RASEF: variants seen among roughly 807,000 people sequenced by gnomAD.
RASEF encodes RAS and EF-hand domain containing, also known as ras and EF-hand domain-containing protein.
A neutral mutation model predicts 90.1 loss-of-function variants in RASEF; 68 were observed. That is an observed-to-expected ratio of 0.75 (90% CI 0.62 to 0.92). The LOEUF (loss-of-function observed/expected upper bound fraction) is 0.92. Among genes scored for constraint, RASEF ranks in the 40% least tolerant of loss-of-function variants. The probability of loss-of-function intolerance (pLI) is 0.00; values close to 1 mark genes in which losing one functional copy is unlikely to be tolerated. For synonymous variants in RASEF, 331 were observed against 345.2 expected, an observed-to-expected ratio of 0.96 and a Z score of 0.46; for missense variants, 949 against 937.2, an observed-to-expected ratio of 1.01 and a Z score of -0.16.
At chr9:83,090,408 CT>C in the RASEF span, among the ~76,000 whole-genome samples, 4,586 of 144,690 alleles carry the variant, frequency 0.032, 64 homozygotes, top group South Asian at 0.057. Flanking sequence ...ATGAGCCATA[CT>C]TTTTTTTTTT....
At chr9:83,116,799 G>GA in the RASEF span, among the ~76,000 whole-genome samples, 6 of 152,096 alleles carry the variant, frequency 3.9e-5, no homozygotes, top group Non-Finnish European at 7.4e-5. Context: ...GGATTTGGGG[G>GA]AAAAATCATT....
At chr9:83,197,760 A>T in the RASEF span, among the ~76,000 whole-genome samples, 1 of 152,158 alleles carries the variant, frequency 6.6e-6, no homozygotes, top group East Asian at 1.9e-4. Flanking sequence ...GGCACATGCA[A>T]CTGTTCCCTT....
At chr9:83,165,183 C>T in the RASEF span, among the ~76,000 whole-genome samples, 13 of 152,092 alleles carry the variant, frequency 8.5e-5, no homozygotes, top group East Asian at 1.9e-4. Flanking sequence ...AACTACTTCA[C>T]TTAACAACAG....
Position 83,062,550 on chromosome 9 carries a change from T to C in RASEF, c.318A>G (p.Glu106=), listed in dbSNP as rs750291977. 2 of 1,602,618 alleles carry C rather than the reference T, an allele frequency of 1.2e-6. No individual in the cohort carries two copies. Among genetic ancestry groups the C allele is most frequent in the African/African-American group, 2.7e-5 (2 of 74,670 alleles). ...GCGCCGCCGCCGCGTCCTCGTCGCC[T>C]TCGTCCTCCTCGCTGTCGTGTGTCT... ...GPETHDSEED[E]GDEDAAAALA... The change falls in exon 1 of 17, where the codon GAA becomes GAG. Residue 106 remains glutamate, a synonymous_variant. Coordinates refer to ENST00000376447, the MANE Select transcript of RASEF (RefSeq NM_152573.4).
chr9:83,102,359 T>A, the RASEF span, among the ~76,000 whole-genome samples: 1 of 152,156 alleles, frequency 6.6e-6, no homozygotes, highest in Non-Finnish European at 1.5e-5. Context: ...CTTTACTGTA[T>A]AAGAGCAGAA....
intron 1 of RASEF, among the ~76,000 whole-genome samples, chr9:83,057,751 G>A (rs1019762221): frequency 6.6e-6 from 1 of 151,232 alleles, no homozygotes; most frequent in Non-Finnish European, 1.5e-5. Flanking sequence ...TCTCTTCTTG[G>A]ATGAGAACCA....
chr9:83,068,235 AG>A, the RASEF span, among the ~76,000 whole-genome samples: 1 of 152,258 alleles, frequency 6.6e-6, no homozygotes, highest in African/African-American at 2.4e-5. Context: ...AATGGACCTC[AG>A]TTCACTTTTG....
At chr9:83,159,512 T>G in the RASEF span, among the ~76,000 whole-genome samples, 1 of 152,182 alleles carries the variant, frequency 6.6e-6, no homozygotes, top group Admixed American at 6.5e-5. Flanking sequence ...CTTAAAAAAT[T>G]AAATGATCAG....
At chr9:83,047,452 CTTAT>C (rs1564088266) in intron 1 of RASEF, among the ~76,000 whole-genome samples, 2 of 152,106 alleles carry the variant, frequency 1.3e-5, no homozygotes, top group African/African-American at 4.8e-5. Context: ...ACTAAATTCC[CTTAT>C]TTTTTATTAC....
the RASEF span, among the ~76,000 whole-genome samples, chr9:83,068,721 G>C: frequency 6.6e-6 from 1 of 152,194 alleles, no homozygotes; most frequent in Non-Finnish European, 1.5e-5. Flanking sequence ...GATGATAAAT[G>C]AGTGGTGTTT....
At chr9:83,005,591 G>T in intron 7 of RASEF, 91 bp from the exon 8 acceptor site, 2 of 934,034 alleles carry the variant, frequency 2.1e-6, no homozygotes, top group Non-Finnish European at 1.8e-6. Flanking sequence ...GTAACATTCA[G>T]AATGTGGAAT....
intron 14 of RASEF, among the ~76,000 whole-genome samples, chr9:82,993,955 T>A (rs1482214887): frequency 6.6e-6 from 1 of 152,190 alleles, no homozygotes; most frequent in Non-Finnish European, 1.5e-5. Flanking sequence ...ACAACCTGAC[T>A]AGCACAGAAA....
chr9:82,983,724 G>A (rs1039019057), intron 16 of RASEF, among the ~76,000 whole-genome samples: 39 of 152,220 alleles, frequency 2.6e-4, no homozygotes, highest in African/African-American at 9.2e-4. Flanking sequence ...CTAAACCCAA[G>A]TGTTTATAAT....
chr9:83,116,780 C>A, the RASEF span, among the ~76,000 whole-genome samples: 2 of 152,006 alleles, frequency 1.3e-5, no homozygotes, highest in African/African-American at 4.8e-5. Context: ...AACATGGCTT[C>A]AAAGATAAGG....
At chr9:83,005,856 A>G (rs980666830) in intron 7 of RASEF, among the ~76,000 whole-genome samples, 1 of 152,178 alleles carries the variant, frequency 6.6e-6, no homozygotes, top group Non-Finnish European at 1.5e-5. Context: ...CACATTTCAG[A>G]GGTCAGGGAT....
the RASEF span, among the ~76,000 whole-genome samples, chr9:83,152,650 A>G: frequency 1.3e-5 from 2 of 152,196 alleles, no homozygotes; most frequent in Non-Finnish European, 2.9e-5. Flanking sequence ...TTGGAATTTC[A>G]CATTATGTTC....
intron 2 of RASEF, among the ~76,000 whole-genome samples, 164 bp downstream of exon 2, chr9:83,025,611 C>T (rs2118574641): frequency 6.6e-6 from 1 of 152,264 alleles, no homozygotes; most frequent in South Asian, 2.1e-4. Flanking sequence ...TGGTAGCTGA[C>T]CTACTTCTCC....
At chr9:83,180,068 C>A in the RASEF span, among the ~76,000 whole-genome samples, 2 of 152,054 alleles carry the variant, frequency 1.3e-5, no homozygotes, top group African/African-American at 4.8e-5. Context: ...ATGAAAATCC[C>A]TTTTCACTAT....
At chr9:83,149,728 T>G in the RASEF span, among the ~76,000 whole-genome samples, 1 of 152,140 alleles carries the variant, frequency 6.6e-6, no homozygotes, top group African/African-American at 2.4e-5. Flanking sequence ...GACAACCACG[T>G]CAGGTACTCA....
Sources: gnomAD v4.1 joint callset for allele counts (sites outside exome capture counted in the v4.1 genomes callset) on GRCh38, gnomAD v4.1.1 for gene constraint, MANE v1.5 for transcripts, NCBI Gene and HGNC (gene_info 2026-07-23, HGNC 2026-07-21) for gene names.